The following DPP6 variants were observed in gnomAD, a reference collection of about 807,000 sequenced individuals.
The protein encoded by DPP6 is dipeptidyl peptidase like 6, also known as A-type potassium channel modulatory protein DPP6.
In DPP6, 69 loss-of-function variants were observed where a neutral mutation model predicts 122.6. The observed-to-expected ratio is 0.56, with a 90% CI of 0.46 to 0.69. The LOEUF is 0.69. DPP6 is among the 30% of genes least tolerant of loss of function. The pLI is 0.00. For missense variants in DPP6, 928 were observed against 1,116.9 expected (o/e 0.83, Z 2.41); for synonymous variants, 418 against 433.1 (o/e 0.97, Z 0.43).
chr7:154,500,173 T>G (rs1825108504), intron 3 of DPP6, among the ~76,000 whole-genome samples: 2 of 151,790 alleles, frequency 1.3e-5, no homozygotes, highest in African/African-American at 4.8e-5. Flanking sequence ...GGGAACAAAA[T>G]AGTTTAGGCA....
At chr7:154,428,061 T>C (rs755846426) in intron 1 of DPP6, among the ~76,000 whole-genome samples, 1 of 152,212 alleles carries the variant, frequency 6.6e-6, no homozygotes, top group Non-Finnish European at 1.5e-5. Context: ...GGTAAATTGA[T>C]AGTTCTATGT....
chr7:153,866,607 C>T, the DPP6 span, among the ~76,000 whole-genome samples: 28 of 152,230 alleles, frequency 1.8e-4, no homozygotes, highest in African/African-American at 6.3e-4. Flanking sequence ...GTTGCCTGTT[C>T]GCTCTGATGG....
chr7:154,212,013 G>C (rs1379991386), intron 1 of DPP6, among the ~76,000 whole-genome samples: 1 of 152,162 alleles, frequency 6.6e-6, no homozygotes, highest in Non-Finnish European at 1.5e-5. Flanking sequence ...GCCCCTCACT[G>C]GGCATCGGGG....
At chr7:154,539,008 A>T (rs968846183) in intron 3 of DPP6, among the ~76,000 whole-genome samples, 2 of 152,346 alleles carry the variant, frequency 1.3e-5, no homozygotes, top group East Asian at 3.9e-4. Flanking sequence ...TTTTCATTAT[A>T]TTGATAGACT....
chr7:154,596,441 G>T (rs1469378522), intron 5 of DPP6, among the ~76,000 whole-genome samples: 3 of 152,208 alleles, frequency 2.0e-5, no homozygotes, highest in Non-Finnish European at 4.4e-5. Flanking sequence ...ACATTGTAAA[G>T]ACATTAGAGC....
At chr7:154,882,702 G>A (rs1293901116) in intron 21 of DPP6, among the ~76,000 whole-genome samples, 1 of 151,810 alleles carries the variant, frequency 6.6e-6, no homozygotes, top group Non-Finnish European at 1.5e-5. Flanking sequence ...AAGATTGCCT[G>A]TCTCTCATTT....
At chr7:154,644,583 T>A (rs572030908) in intron 6 of DPP6, among the ~76,000 whole-genome samples, 1 of 152,152 alleles carries the variant, frequency 6.6e-6, no homozygotes, top group Non-Finnish European at 1.5e-5. Flanking sequence ...CACACGGAGA[T>A]AGGCTTTGGC....
intron 1 of DPP6, among the ~76,000 whole-genome samples, chr7:154,401,233 A>T (rs1000121312): frequency 6.6e-6 from 1 of 151,730 alleles, no homozygotes; most frequent in Non-Finnish European, 1.5e-5. Context: ...AAAAACAGGT[A>T]TTACTGGCTG....
At chr7:154,029,315 G>T (rs1799106001) in intron 1 of DPP6, among the ~76,000 whole-genome samples, 1 of 150,462 alleles carries the variant, frequency 6.6e-6, no homozygotes, top group Non-Finnish European at 1.5e-5. Context: ...AGGAGATCGA[G>T]ACCATCCTGG....
intron 16 of DPP6, among the ~76,000 whole-genome samples, chr7:154,850,420 G>A (rs1802277096): frequency 6.6e-6 from 1 of 152,118 alleles, no homozygotes; most frequent in Non-Finnish European, 1.5e-5. Flanking sequence ...GGGTGGGGGA[G>A]TTTGGTAGTC....
chr7:154,474,945 A>G lies in DPP6; in HGVS notation c.365A>G (p.Asp122Gly). 1 of 1,613,022 alleles carries G rather than the reference A, an allele frequency of 6.2e-7. No homozygotes were observed. Among genetic ancestry groups the G allele is most frequent in the Non-Finnish European group, 8.5e-7 (1 of 1,179,118 alleles). ...TSVILLTPAE[D>G]NSLSQKKKVT... is the part of the protein sequence containing the mutation. ...GCTTTTTATTTTTTTCTAGCGGAAG[A>G]TAATAGTCTGTCTCAAAAGAAGAAG... The change falls in exon 3 of 26, where the codon GAT becomes GGT. Residue 122 changes from aspartate (D) to glycine (G), a missense_variant. By Grantham distance (94) the Asp-to-Gly change is moderately conservative (BLOSUM62 -1). Coordinates refer to ENST00000377770, the MANE Select transcript of DPP6 (RefSeq NM_130797.4).
rs528967232 is a variant in DPP6 at position 154,538,931 on chromosome 7, T to C, written c.458-1601T>C. 2.5e-4 allele frequency among the ~76,000 whole-genome samples: 38 copies of C among 152,372 alleles called. No individual in the cohort carries two copies. The South Asian group carries it at 3.3e-3, about 13-fold the overall frequency. Reference sequence around the variant, plus strand: ...CCTAAACATCTGTTAACTTTAGCACTGAAGCTTTGGATGTAATTTACATAA... The same window carrying C: ...CCTAAACATCTGTTAACTTTAGCACCGAAGCTTTGGATGTAATTTACATAA... On this transcript the variant is annotated intron_variant, in intron 3 of 25. Coordinates refer to ENST00000377770, the MANE Select transcript of DPP6 (RefSeq NM_130797.4).
At chr7:153,838,576 G>A in the DPP6 span, among the ~76,000 whole-genome samples, 1 of 152,162 alleles carries the variant, frequency 6.6e-6, no homozygotes, top group African/African-American at 2.4e-5. Flanking sequence ...GAGTAACAAA[G>A]GATGTCTGTG....
At chr7:154,697,194 A>G (rs1840267954) in intron 7 of DPP6, among the ~76,000 whole-genome samples, 1 of 152,186 alleles carries the variant, frequency 6.6e-6, no homozygotes, top group African/African-American at 2.4e-5. Flanking sequence ...GCATCATTCA[A>G]GGTGTCCCGT....
intron 8 of DPP6, among the ~76,000 whole-genome samples, chr7:154,761,098 G>T (rs1283617397): frequency 5.3e-5 from 8 of 152,278 alleles, no homozygotes; most frequent in Non-Finnish European, 7.4e-5. Context: ...GCCTCCCGAA[G>T]TGCTGAGATT....
At chr7:154,534,024 A>G (rs1255161759) in intron 3 of DPP6, among the ~76,000 whole-genome samples, 1 of 152,070 alleles carries the variant, frequency 6.6e-6, no homozygotes, top group East Asian at 1.9e-4. Flanking sequence ...TACTATATAA[A>G]ACATGATAAT....
intron 1 of DPP6, among the ~76,000 whole-genome samples, chr7:154,136,863 T>C (rs1479983573): frequency 6.6e-6 from 1 of 152,248 alleles, no homozygotes; most frequent in East Asian, 1.9e-4. Context: ...GCAAGTGCAA[T>C]ATTGTTCCAG....
intron 16 of DPP6, among the ~76,000 whole-genome samples, chr7:154,832,891 G>C (rs554995274): frequency 6.6e-6 from 1 of 152,346 alleles, no homozygotes; most frequent in African/African-American, 2.4e-5. Flanking sequence ...CATCGCCACT[G>C]CCACAACTGA....
rs534456711 is a variant in DPP6, at chr7:154,840,750, A to G, written c.1667-13030A>G. Among the ~76,000 whole-genome samples the G allele has an allele frequency of 9.2e-5, 14 of 152,324 alleles. No individual in the cohort carries two copies. The South Asian group carries it at 2.5e-3, about 27-fold the overall frequency. ...ACCTTCATTACCAAACTTCATTTCA[A>G]TGATCTTGTGCACTTTTTCAAAAGC... On this transcript the variant is annotated intron_variant, in intron 16 of 25. Transcript: ENST00000377770.
Sources: allele counts gnomAD v4.1 joint callset (sites outside exome capture counted in the v4.1 genomes callset), GRCh38; gene constraint gnomAD v4.1.1; transcripts MANE v1.5; gene names NCBI Gene and HGNC (gene_info 2026-07-23, HGNC 2026-07-21).